The following ATXN7L1 variants were observed in gnomAD, a reference collection of about 807,000 sequenced individuals.
The protein encoded by ATXN7L1 is ataxin-7-like protein 1.
ATXN7L1 carries 15 observed loss-of-function variants against 70.8 expected under a neutral mutation model. The ratio of observed to expected loss-of-function variants is 0.21; its 90% CI spans 0.14 to 0.33. The LOEUF (loss-of-function observed/expected upper bound fraction) is 0.33, where lower values mean the gene tolerates loss of function less well. Ranked by LOEUF, ATXN7L1 falls within the 10% of genes least tolerant of loss-of-function variation. The pLI, the probability that ATXN7L1 is intolerant of heterozygous loss-of-function variation, is 1.00. For synonymous variants in ATXN7L1, 440 were observed against 445.1 expected, an observed-to-expected ratio of 0.99 and a Z score of 0.14; for missense variants, 975 against 1,097.1, an observed-to-expected ratio of 0.89 and a Z score of 1.57.
chr7:105,860,549 T>C (rs556148139), intron 2 of ATXN7L1, among the ~76,000 whole-genome samples: 1 of 152,296 alleles, frequency 6.6e-6, no homozygotes, highest in South Asian at 2.1e-4. Context: ...AAAAACCTCA[T>C]AGGCCATCTC....
At chr7:105,711,499 G>C (rs188039827) in intron 3 of ATXN7L1, among the ~76,000 whole-genome samples, 160 of 152,312 alleles carry the variant, frequency 1.1e-3, no homozygotes, top group Admixed American at 4.1e-3. Context: ...AAATGTTCTT[G>C]CTCTAAATGG....
intron 2 of ATXN7L1, among the ~76,000 whole-genome samples, chr7:105,826,323 A>T (rs937633746): frequency 2.6e-5 from 4 of 152,224 alleles, no homozygotes; most frequent in African/African-American, 4.8e-5. Flanking sequence ...TGAGCAAGAC[A>T]CTTTGATCTC....
At chr7:105,690,920 A>C (rs939518718) in intron 3 of ATXN7L1, among the ~76,000 whole-genome samples, 1 of 152,172 alleles carries the variant, frequency 6.6e-6, no homozygotes, top group Non-Finnish European at 1.5e-5. Flanking sequence ...CGGGCCCCCA[A>C]AGATGCTACC....
chr7:105,632,921 T>TAAA lies in ATXN7L1; in HGVS notation c.1202+5429_1202+5431dup, dbSNP rs11417434. ...GGGTTACAGAATGTAATCTTGTCTT[T>TAAA]AAAAAAAAAAAAAAAAAAAAAAAAA... is the stretch of plus-strand genomic sequence containing the variant. On this transcript the variant is annotated intron_variant, in intron 7 of 11. Transcript: ENST00000419735. 4.8e-3 allele frequency among the ~76,000 whole-genome samples: 291 copies of TAAA among 60,042 alleles called. 20 individuals are homozygous for TAAA. The highest frequency in any genetic ancestry group is 5.8e-3 in the Non-Finnish European group (212 of 36,390). The allele number at this position is 60,042 out of a possible 152,430, so 39.4% of individuals were successfully genotyped here. A position where few individuals can be genotyped will look rare whatever the true frequency, so the allele number is the denominator to read the frequency against.
chr7:105,795,431 T>C (rs577207832), intron 2 of ATXN7L1, among the ~76,000 whole-genome samples: 2 of 152,330 alleles, frequency 1.3e-5, no homozygotes, highest in East Asian at 3.9e-4. Flanking sequence ...CAATTCTCTA[T>C]TTACACAGGA....
intron 3 of ATXN7L1, chr7:105,788,385 A>T: frequency 1.9e-6 from 1 of 534,216 alleles, no homozygotes; most frequent in East Asian, 3.1e-5. Flanking sequence ...GACAAGTTGC[A>T]GGTTTTCTCT....
chr7:105,806,008 G>A (rs1807535765), intron 2 of ATXN7L1, among the ~76,000 whole-genome samples: 1 of 152,172 alleles, frequency 6.6e-6, no homozygotes, highest in Admixed American at 6.5e-5. Context: ...TGAGAGGGCT[G>A]CTGCAGGGTC....
intron 3 of ATXN7L1, among the ~76,000 whole-genome samples, chr7:105,709,264 G>T (rs1027643519): frequency 6.6e-6 from 1 of 152,178 alleles, no homozygotes; most frequent in Non-Finnish European, 1.5e-5. Context: ...AACCCAGGAA[G>T]CGGAGGTTGC....
intron 3 of ATXN7L1, among the ~76,000 whole-genome samples, chr7:105,787,334 A>C (rs1015234929): frequency 3.9e-5 from 6 of 152,136 alleles, no homozygotes; most frequent in Non-Finnish European, 7.4e-5. Flanking sequence ...GGGGCAGAAG[A>C]CTTGGCCTCT....
At chr7:105,761,228 C>T in intron 3 of ATXN7L1, 1 of 1,478,256 alleles carries the variant, frequency 6.8e-7, no homozygotes, top group African/African-American at 1.4e-5. Context: ...GATCCTGACA[C>T]CAGAGTGTGC....
chr7:105,698,245 T>G (rs1304229747), intron 3 of ATXN7L1, among the ~76,000 whole-genome samples: 1 of 152,166 alleles, frequency 6.6e-6, no homozygotes, highest in Non-Finnish European at 1.5e-5. Context: ...TGCCTGATCA[T>G]ACCTGCAACT....
At chr7:105,827,547 T>C (rs993308606) in intron 2 of ATXN7L1, among the ~76,000 whole-genome samples, 4 of 152,146 alleles carry the variant, frequency 2.6e-5, no homozygotes, top group Admixed American at 2.6e-4. Flanking sequence ...AGGTTGAAAA[T>C]ACAGTATTTG....
At chr7:105,831,525 A>G (rs1457814096) in intron 2 of ATXN7L1, among the ~76,000 whole-genome samples, 1 of 152,192 alleles carries the variant, frequency 6.6e-6, no homozygotes, top group African/African-American at 2.4e-5. Context: ...GTGCTCTGGG[A>G]TGCTTTTTGT....
chr7:105,818,824 G>A (rs1257445758), intron 2 of ATXN7L1, among the ~76,000 whole-genome samples: 1 of 151,916 alleles, frequency 6.6e-6, no homozygotes, highest in East Asian at 1.9e-4. Flanking sequence ...CCAAAACACT[G>A]CAGCTAGAAA....
intron 3 of ATXN7L1, among the ~76,000 whole-genome samples, chr7:105,741,940 T>A (rs899108141): frequency 6.6e-6 from 1 of 152,148 alleles, no homozygotes; most frequent in Non-Finnish European, 1.5e-5. Context: ...GCAGATTCTC[T>A]CTCGCAGCCC....
intron 3 of ATXN7L1, among the ~76,000 whole-genome samples, chr7:105,741,915 G>C (rs1798061745): frequency 6.6e-6 from 1 of 152,198 alleles, no homozygotes; most frequent in African/African-American, 2.4e-5. Flanking sequence ...CCAGAAGCCA[G>C]GAGAGAGGCA....
chr7:105,734,453 G>C (rs1162286830), intron 3 of ATXN7L1, among the ~76,000 whole-genome samples: 1 of 152,212 alleles, frequency 6.6e-6, no homozygotes, highest in Non-Finnish European at 1.5e-5. Context: ...CAGTTGGACA[G>C]AAATCAGGAC....
chr7:105,618,058 G>T (rs967466173), intron 9 of ATXN7L1: 17 of 456,616 alleles, frequency 3.7e-5, no homozygotes, highest in Non-Finnish European at 5.7e-5. Flanking sequence ...TCCTGAACAG[G>T]GGGGAGGGAC....
At position 105,648,039 on chromosome 7, in the gene ATXN7L1, G is replaced by C. The variant is rs28384132; in HGVS notation, c.579-4918C>G. On this transcript the variant is annotated intron_variant, in intron 4 of 11. Coordinates refer to ENST00000419735, the MANE Select transcript of ATXN7L1 (RefSeq NM_020725.2). ...AGTCCTCTGGATTGAAGAATGGGAA[G>C]CATTGGGGAAAAAAGTCTGATCAAG... 7.7e-3 allele frequency among the ~76,000 whole-genome samples: 1,171 copies of C among 152,230 alleles called. 24 individuals are homozygous for C. Among genetic ancestry groups the C allele is most frequent in the African/African-American group, 0.027 (1,113 of 41,554 alleles).
Sources: allele counts gnomAD v4.1 joint callset (sites outside exome capture counted in the v4.1 genomes callset), GRCh38; gene constraint gnomAD v4.1.1; transcripts MANE v1.5; gene names NCBI Gene and HGNC (gene_info 2026-07-23, HGNC 2026-07-21).